Variants in TRPM1 observed in about 807,000 individuals in gnomAD.
TRPM1 encodes the protein transient receptor potential cation channel subfamily M member 1.
TRPM1 carries 113 observed loss-of-function variants against 149.4 expected under a neutral mutation model. The observed-to-expected ratio is 0.76, with a 90% CI of 0.65 to 0.88. The LOEUF is 0.88. Ranked by LOEUF, TRPM1 falls within the 40% of genes least tolerant of loss-of-function variation. TRPM1 has a pLI of 0.00. For missense variants in TRPM1, 1,976 were observed against 2,038.7 expected (o/e 0.97, Z 0.59); for synonymous variants, 741 against 759.5 (o/e 0.98, Z 0.40).
intron 1 of TRPM1, among the ~76,000 whole-genome samples, chr15:31,122,967 G>C (rs2141035327): frequency 6.6e-6 from 1 of 152,314 alleles, no homozygotes; most frequent in East Asian, 1.9e-4. Context: ...AAGACAGTGT[G>C]GTATTGGTGA....
chr15:31,042,143 T>C lies in TRPM1; in HGVS notation c.1895A>G (p.Tyr632Cys). The C allele has an allele frequency of 1.2e-6, 2 of 1,614,224 alleles. No individual in the cohort carries two copies. Among genetic ancestry groups the C allele is most frequent in the African/African-American group, 2.7e-5 (2 of 75,058 alleles). The change falls in exon 17 of 28, where the codon TAT (tyrosine) becomes TGT (cysteine). Residue 632 changes from tyrosine to cysteine, a missense_variant. By Grantham distance (194) the Tyr-to-Cys change is radical (BLOSUM62 -2). Transcript: ENST00000256552. ...CCACACCATCAGCTCGTGGAAGGGA[T>C]ACTGGAACCGACTCACGGCAGGGTC... The part of the protein sequence containing the change: ...VDDPAVSRFQ[Y>C]PFHELMVWAV...
intron 21 of TRPM1, 62 bp downstream of exon 21, chr15:31,035,484 G>C: frequency 1.2e-6 from 2 of 1,611,270 alleles, no homozygotes; most frequent in Non-Finnish European, 1.7e-6. Context: ...TTTCAGTAAG[G>C]AGCCATATCT....
At chr15:31,131,438 A>C (rs1264150261) in intron 1 of TRPM1, among the ~76,000 whole-genome samples, 3 of 152,206 alleles carry the variant, frequency 2.0e-5, no homozygotes, top group African/African-American at 4.8e-5. Context: ...AATTATGAAG[A>C]AGGAAAAAAA....
intron 24 of TRPM1, among the ~76,000 whole-genome samples, chr15:31,029,014 T>C (rs1485709721): frequency 6.6e-6 from 1 of 152,204 alleles, no homozygotes; most frequent in Non-Finnish European, 1.5e-5. Flanking sequence ...GTTTCACTGA[T>C]ACATTAAATT....
rs58751612 is a variant in TRPM1 at position 31,025,773 on chromosome 15, C to T, written c.3629+366G>A. ...GCTAGGCCGGATGAGGAGGGCAGTC[C>T]CCTGGGGAGGACCATGCTCGCAAAG... On this transcript the variant is annotated intron_variant, in intron 27 of 27. Transcript: ENST00000256552. Among the ~76,000 whole-genome samples the T allele has an allele frequency of 4.9e-4, 75 of 152,312 alleles. 1 individual carries two copies. Among genetic ancestry groups the T allele is most frequent in the African/African-American group, 1.7e-3 (69 of 41,564 alleles).
intron 1 of TRPM1, among the ~76,000 whole-genome samples, chr15:31,092,930 C>T (rs1353622906): frequency 6.6e-6 from 1 of 152,160 alleles, no homozygotes; most frequent in African/African-American, 2.4e-5. Context: ...TGAAGCTCAA[C>T]AATGCATTAT....
chr15:31,113,537 TTTGTACTCCTAAAATGTTTTTTTTTAAC>T (rs1478077522), intron 1 of TRPM1, among the ~76,000 whole-genome samples: 2 of 151,448 alleles, frequency 1.3e-5, no homozygotes, highest in African/African-American at 4.9e-5. Flanking sequence ...AACATTTTTC[TTTGTACTCCTAAAATGTTTTTTTTTAAC>T]TTTAGGTTCC....
At chr15:31,089,357 G>C (rs898081771) in intron 1 of TRPM1, among the ~76,000 whole-genome samples, 1 of 152,222 alleles carries the variant, frequency 6.6e-6, no homozygotes, top group African/African-American at 2.4e-5. Context: ...AAATCCGGGA[G>C]GCTATCTTGG....
At chr15:31,093,970 C>T (rs948865771) in intron 1 of TRPM1, among the ~76,000 whole-genome samples, 2 of 151,952 alleles carry the variant, frequency 1.3e-5, no homozygotes, top group African/African-American at 4.8e-5. Context: ...AATTTCAAAG[C>T]GTCAGTAATC....
At chr15:31,026,705 G>A (rs1237169356) in intron 26 of TRPM1, among the ~76,000 whole-genome samples, 1 of 152,158 alleles carries the variant, frequency 6.6e-6, no homozygotes, top group Non-Finnish European at 1.5e-5. Context: ...GTCTCTATGA[G>A]CTGGCTTTCC....
At chr15:31,070,305 A>G in intron 3 of TRPM1, 79 bp from the exon 4 acceptor site, 4 of 1,421,376 alleles carry the variant, frequency 2.8e-6, no homozygotes, top group Non-Finnish European at 4.0e-6. Context: ...AATTAACCTC[A>G]ACAGGTGAGT....
intron 3 of TRPM1, among the ~76,000 whole-genome samples, chr15:31,072,623 C>G (rs1387615429): frequency 2.0e-5 from 3 of 152,160 alleles, no homozygotes; most frequent in African/African-American, 7.2e-5. Flanking sequence ...GTGGCTGTAT[C>G]ATGGTACATT....
chr15:31,100,168 C>T (rs1485792716), intron 1 of TRPM1, among the ~76,000 whole-genome samples: 1 of 151,800 alleles, frequency 6.6e-6, no homozygotes, highest in African/African-American at 2.4e-5. Flanking sequence ...CAACCTCCAC[C>T]TCCTGGGTTC....
intron 23 of TRPM1, among the ~76,000 whole-genome samples, chr15:31,030,205 A>G (rs1006203645): frequency 6.6e-6 from 1 of 152,258 alleles, no homozygotes; most frequent in Non-Finnish European, 1.5e-5. Flanking sequence ...AAAACTTTCT[A>G]TTCCCAAATA....
chr15:31,029,155 A>T lies in TRPM1; in HGVS notation c.3148+216T>A, dbSNP rs553897210. On this transcript the variant is annotated intron_variant, in intron 24 of 27. Coordinates refer to ENST00000256552, the MANE Select transcript of TRPM1 (RefSeq NM_001252024.2). ...CTGCTCATTTGAAATGCAACTTTTTATCATAGGGGGTCTATTTCTCCCCTA... is the reference window on the plus strand; with the variant it reads ...CTGCTCATTTGAAATGCAACTTTTTTTCATAGGGGGTCTATTTCTCCCCTA... Among the ~76,000 whole-genome samples, 5 of 152,284 alleles carry T rather than the reference A, an allele frequency of 3.3e-5. 1 individual carries two copies. In the South Asian group the frequency reaches 1.0e-3, roughly 32 times the overall value.
intron 1 of TRPM1, among the ~76,000 whole-genome samples, chr15:31,131,200 C>T (rs879501098): frequency 6.6e-6 from 1 of 152,184 alleles, no homozygotes; most frequent in Non-Finnish European, 1.5e-5. Context: ...AACCATCAGC[C>T]ACTTAGAGCG....
chr15:31,141,617 TGA>T (rs1381950149), intron 1 of TRPM1, among the ~76,000 whole-genome samples: 1 of 152,052 alleles, frequency 6.6e-6, no homozygotes, highest in Non-Finnish European at 1.5e-5. Context: ...TTTTTTTGTA[TGA>T]GAGAGAATTT....
At chr15:31,104,841 A>G (rs763755518), upstream of TRPM1, among the ~76,000 whole-genome samples, 60 of 151,728 alleles carry the variant, frequency 4.0e-4, no homozygotes, top group Admixed American at 1.5e-3. Flanking sequence ...TGATCCGCCC[A>G]CCCTGGCCTC....
chr15:31,088,812 C>T (rs550583261), intron 1 of TRPM1, among the ~76,000 whole-genome samples: 1,531 of 140,738 alleles, frequency 0.011, 42 homozygotes, highest in African/African-American at 0.039. Context: ...TGGGGGGATG[C>T]GTCAGAGGAG....
Sources: allele counts gnomAD v4.1 joint callset (sites outside exome capture counted in the v4.1 genomes callset), GRCh38; gene constraint gnomAD v4.1.1; transcripts MANE v1.5; gene names NCBI Gene and HGNC (gene_info 2026-07-23, HGNC 2026-07-21).